The following ZNRF3 variants were observed in gnomAD, a reference collection of about 807,000 sequenced individuals.
ZNRF3 encodes zinc and ring finger 3, also known as E3 ubiquitin-protein ligase ZNRF3.
A neutral mutation model predicts 72.5 loss-of-function variants in ZNRF3; 23 were observed. That is an observed-to-expected ratio of 0.32 (90% CI 0.23 to 0.45). ZNRF3 has a LOEUF of 0.45. ZNRF3 is among the 20% of genes least tolerant of loss of function. The pLI, the probability that ZNRF3 is intolerant of heterozygous loss-of-function variation, is 1.00. For synonymous variants in ZNRF3, 610 were observed against 545.3 expected (o/e 1.12, Z -1.65); for missense variants, 1,169 against 1,272.1 (o/e 0.92, Z 1.23).
intron 1 of ZNRF3, among the ~76,000 whole-genome samples, chr22:28,946,627 G>C (rs188403371): frequency 6.6e-6 from 1 of 152,192 alleles, no homozygotes; most frequent in African/African-American, 2.4e-5. Flanking sequence ...GAAATCACTA[G>C]TTATGGATGC....
At chr22:28,954,930 T>C (rs930757285) in intron 1 of ZNRF3, among the ~76,000 whole-genome samples, 7 of 152,090 alleles carry the variant, frequency 4.6e-5, no homozygotes, top group African/African-American at 1.7e-4. Flanking sequence ...TGGGATAATA[T>C]CTTAAAATCT....
chr22:28,935,126 C>T lies in ZNRF3; in HGVS notation c.300+51060C>T, dbSNP rs940459189. 3.3e-5 allele frequency among the ~76,000 whole-genome samples: 5 copies of T among 152,192 alleles called. No homozygotes were observed. The South Asian group carries it at 1.0e-3, about 32-fold the overall frequency. On this transcript the variant is annotated intron_variant, in intron 1 of 8. Transcript: ENST00000544604. Reference sequence around the variant, plus strand: ...TTCTTCTGGAAGCTTCAGGCATTGCCCTGCTTTCTGGATGTGCTATGGTTC... The same window carrying T: ...TTCTTCTGGAAGCTTCAGGCATTGCTCTGCTTTCTGGATGTGCTATGGTTC...
chr22:28,897,026 T>C (rs76025686), intron 1 of ZNRF3, among the ~76,000 whole-genome samples: 4,472 of 152,286 alleles, frequency 0.029, 205 homozygotes, highest in African/African-American at 0.096. Flanking sequence ...GTCTCAGCCT[T>C]CCGAGTAGCT....
intron 1 of ZNRF3, among the ~76,000 whole-genome samples, chr22:28,939,329 G>C (rs757708987): frequency 6.6e-6 from 1 of 150,494 alleles, no homozygotes; most frequent in Non-Finnish European, 1.5e-5. Flanking sequence ...TCATATGTTT[G>C]TTAGGGTTAA....
intron 1 of ZNRF3, among the ~76,000 whole-genome samples, chr22:28,891,764 A>G (rs1278447644): frequency 6.6e-6 from 1 of 152,388 alleles, no homozygotes; most frequent in Non-Finnish European, 1.5e-5. Context: ...AAATAAGTCT[A>G]TAACGTCAAC....
chr22:28,991,309 A>AAAG (rs1569273144), intron 2 of ZNRF3, among the ~76,000 whole-genome samples: 21 of 134,928 alleles, frequency 1.6e-4, no homozygotes, highest in Non-Finnish European at 1.9e-4. Flanking sequence ...AAAAAAAAAA[A>AAAG]AAGAAGAACA....
intron 2 of ZNRF3, among the ~76,000 whole-genome samples, chr22:29,022,732 T>C (rs1249583827): frequency 6.6e-6 from 1 of 152,230 alleles, no homozygotes; most frequent in East Asian, 1.9e-4. Context: ...CTTTAAAATG[T>C]ATTAAGTGAA....
chr22:28,922,676 C>T (rs2034530443), intron 1 of ZNRF3, among the ~76,000 whole-genome samples: 1 of 152,186 alleles, frequency 6.6e-6, no homozygotes, highest in Non-Finnish European at 1.5e-5. Context: ...CCCAGTCCCT[C>T]TGCGTTCTGG....
At chr22:29,006,525 T>C (rs926049467) in intron 2 of ZNRF3, among the ~76,000 whole-genome samples, 2 of 152,158 alleles carry the variant, frequency 1.3e-5, no homozygotes, top group Non-Finnish European at 2.9e-5. Flanking sequence ...TTGGGCTCTT[T>C]TGACTCCTGA....
intron 2 of ZNRF3, among the ~76,000 whole-genome samples, chr22:29,040,427 C>T (rs1227234178): frequency 2.0e-5 from 3 of 152,062 alleles, no homozygotes; most frequent in South Asian, 2.1e-4. Flanking sequence ...GTGATCTACC[C>T]GCCTAAGCCT....
chr22:28,954,029 A>G (rs757652751), intron 1 of ZNRF3, among the ~76,000 whole-genome samples: 1 of 152,150 alleles, frequency 6.6e-6, no homozygotes, highest in Non-Finnish European at 1.5e-5. Flanking sequence ...GTCCATGTAT[A>G]TAAAGCACCT....
intron 2 of ZNRF3, among the ~76,000 whole-genome samples, chr22:29,037,267 G>T (rs1018727469): frequency 2.0e-5 from 3 of 152,184 alleles, no homozygotes; most frequent in African/African-American, 7.2e-5. Flanking sequence ...ACACACTGGG[G>T]AGAATGCCAG....
chr22:29,011,897 G>C (rs1457402989), intron 2 of ZNRF3, among the ~76,000 whole-genome samples: 1 of 152,198 alleles, frequency 6.6e-6, no homozygotes, highest in Non-Finnish European at 1.5e-5. Context: ...GTCTCTGCTT[G>C]TGTGCAAAGA....
chr22:28,901,970 T>C (rs2034114296), intron 1 of ZNRF3, among the ~76,000 whole-genome samples: 1 of 146,732 alleles, frequency 6.8e-6, no homozygotes, highest in South Asian at 2.2e-4. Flanking sequence ...GGAGTCTCCG[T>C]CTGTTACCCA....
intron 1 of ZNRF3, 33 bp from the exon 2 acceptor site, chr22:28,987,043 C>T: frequency 6.3e-7 from 1 of 1,592,784 alleles, no homozygotes; most frequent in Non-Finnish European, 8.5e-7. Flanking sequence ...TGTAGCTTGC[C>T]TGCTGAAGTT....
chr22:28,980,538 T>C (rs1034600152), intron 1 of ZNRF3, among the ~76,000 whole-genome samples: 1 of 152,292 alleles, frequency 6.6e-6, no homozygotes, highest in African/African-American at 2.4e-5. Context: ...AGAGCCACAG[T>C]TTCATAATAA....
In ZNRF3 at chr22:28,994,176, C is replaced by CTTTTTTTTTTTTTTTTTT. The variant is rs57329565; in HGVS notation, c.426+6985_426+7002dup. Among the ~76,000 whole-genome samples the CTTTTTTTTTTTTTTTTTT allele has an allele frequency of 8.9e-3, 354 of 39,800 alleles. 38 individuals are homozygous for CTTTTTTTTTTTTTTTTTT. The highest frequency in any genetic ancestry group is 0.01 in the Non-Finnish European group (231 of 22,952). 26.1% of individuals were successfully genotyped at this position (39,800 alleles called of 152,430 possible). A position where few individuals can be genotyped will look rare whatever the true frequency, so the allele number is the denominator to read the frequency against. On this transcript the variant is annotated intron_variant, in intron 2 of 8. Transcript: ENST00000544604. ...TCCTTTATTGTCCTTCAGTTCCTTT[C>CTTTTTTTTTTTTTTTTTT]TTTTTTTTTTTTTTTTTTTTTTTTT... is the stretch of plus-strand genomic sequence containing the variant.
At chr22:28,951,722 C>G (rs1235132987) in intron 1 of ZNRF3, among the ~76,000 whole-genome samples, 6 of 152,188 alleles carry the variant, frequency 3.9e-5, no homozygotes, top group Admixed American at 6.5e-5. Flanking sequence ...GACCTTTGTT[C>G]TACAGGTCAC....
chr22:28,966,593 ATG>A (rs1301679849), intron 1 of ZNRF3, among the ~76,000 whole-genome samples: 3 of 152,252 alleles, frequency 2.0e-5, no homozygotes, highest in South Asian at 4.2e-4. Context: ...GCCTAGGCTA[ATG>A]TGTGTGTCTT....
Sources: gnomAD v4.1 joint callset for allele counts (sites outside exome capture counted in the v4.1 genomes callset) on GRCh38, gnomAD v4.1.1 for gene constraint, MANE v1.5 for transcripts, NCBI Gene and HGNC (gene_info 2026-07-23, HGNC 2026-07-21) for gene names.